The following CNTNAP5 variants were observed in gnomAD, a reference collection of about 807,000 sequenced individuals.
The protein encoded by CNTNAP5 is contactin associated protein family member 5.
Under a neutral mutation model 150.2 loss-of-function variants are expected in CNTNAP5, and 72 were observed. The observed-to-expected ratio is 0.48, with a 90% CI of 0.40 to 0.58. The LOEUF (loss-of-function observed/expected upper bound fraction) is 0.58, where lower values mean the gene tolerates loss of function less well. CNTNAP5 is among the 20% of genes least tolerant of loss of function. CNTNAP5 has a pLI of 0.00. For synonymous variants in CNTNAP5, 672 were observed against 619.8 expected (o/e 1.08, Z -1.25); for missense variants, 1,636 against 1,626.2 (o/e 1.01, Z -0.10).
chr2:124,431,115 C>T (rs1692368584), intron 4 of CNTNAP5, among the ~76,000 whole-genome samples: 1 of 152,142 alleles, frequency 6.6e-6, no homozygotes, highest in South Asian at 2.1e-4. Flanking sequence ...CTGTTAGACT[C>T]GTTCTACTGA....
chr2:124,661,737 C>T (rs899083999), intron 13 of CNTNAP5, among the ~76,000 whole-genome samples: 3 of 152,068 alleles, frequency 2.0e-5, no homozygotes, highest in Non-Finnish European at 4.4e-5. Context: ...GATTTGTTTA[C>T]ACCAGTATGT....
intron 1 of CNTNAP5, among the ~76,000 whole-genome samples, chr2:124,113,282 G>C (rs1225347797): frequency 6.6e-6 from 1 of 152,066 alleles, no homozygotes; most frequent in East Asian, 1.9e-4. Context: ...TAATTCTGAT[G>C]TGGGATAATT....
intron 10 of CNTNAP5, among the ~76,000 whole-genome samples, chr2:124,550,273 T>A (rs1184289994): frequency 1.3e-5 from 2 of 152,148 alleles, no homozygotes; most frequent in Non-Finnish European, 2.9e-5. Flanking sequence ...CTCTGAACCA[T>A]CTCTACAGAA....
intron 3 of CNTNAP5, among the ~76,000 whole-genome samples, chr2:124,274,253 C>T (rs2104616093): frequency 6.6e-6 from 1 of 152,272 alleles, no homozygotes; most frequent in African/African-American, 2.4e-5. Context: ...TACTGGACAG[C>T]CACCTCACTA....
chr2:124,130,784 C>T (rs1240807201), intron 1 of CNTNAP5, among the ~76,000 whole-genome samples: 4 of 152,128 alleles, frequency 2.6e-5, no homozygotes, highest in African/African-American at 4.8e-5. Context: ...CTAATCCTAA[C>T]CCTAAACTGT....
At chr2:124,561,277 G>A (rs1376966377) in intron 10 of CNTNAP5, among the ~76,000 whole-genome samples, 2 of 152,162 alleles carry the variant, frequency 1.3e-5, no homozygotes, top group Middle Eastern at 3.2e-3. Context: ...AGCGTGTGGG[G>A]ACAGGGGGCA....
At chr2:124,406,385 A>T (rs1156455168) in intron 3 of CNTNAP5, among the ~76,000 whole-genome samples, 1 of 152,178 alleles carries the variant, frequency 6.6e-6, no homozygotes, top group Non-Finnish European at 1.5e-5. Context: ...GTCCTCTTGT[A>T]TAATTCCATT....
intron 1 of CNTNAP5, among the ~76,000 whole-genome samples, chr2:124,090,039 C>T (rs1682779236): frequency 6.6e-6 from 1 of 152,142 alleles, no homozygotes; most frequent in African/African-American, 2.4e-5. Context: ...TTCCTGGCAC[C>T]AGAATTGACC....
intron 13 of CNTNAP5, among the ~76,000 whole-genome samples, chr2:124,663,089 C>T (rs1254048188): frequency 6.6e-6 from 1 of 152,090 alleles, no homozygotes; most frequent in Non-Finnish European, 1.5e-5. Context: ...TAGGTTATTA[C>T]CAAGGAACAA....
chr2:124,073,940 T>C (rs766432365), intron 1 of CNTNAP5, among the ~76,000 whole-genome samples: 3 of 152,144 alleles, frequency 2.0e-5, no homozygotes, highest in Non-Finnish European at 4.4e-5. Flanking sequence ...GCAACCTAAG[T>C]GTCTATCAAC....
intron 1 of CNTNAP5, among the ~76,000 whole-genome samples, chr2:124,161,932 A>C (rs1443103649): frequency 6.6e-6 from 1 of 152,206 alleles, no homozygotes; most frequent in Non-Finnish European, 1.5e-5. Context: ...AGACATATTT[A>C]ATCATATCAA....
At chr2:124,542,676 G>A (rs1210514073) in intron 10 of CNTNAP5, among the ~76,000 whole-genome samples, 4 of 152,084 alleles carry the variant, frequency 2.6e-5, no homozygotes, top group East Asian at 1.9e-4. Flanking sequence ...TTATTTGGGT[G>A]TCTCTGGCAC....
intron 22 of CNTNAP5, 73 bp from the exon 23 acceptor site, chr2:124,911,394 G>A (rs1417432232): frequency 9.2e-7 from 1 of 1,085,548 alleles, no homozygotes; most frequent in African/African-American, 1.6e-5. Flanking sequence ...GTCATTCCAG[G>A]TGGGCCACAC....
At chr2:124,543,594 A>G (rs955317595) in intron 10 of CNTNAP5, among the ~76,000 whole-genome samples, 3 of 152,188 alleles carry the variant, frequency 2.0e-5, no homozygotes, top group Non-Finnish European at 4.4e-5. Context: ...AAGTTATTGA[A>G]GAAGAAAGGT....
chr2:124,601,951 C>T (rs991957510), intron 11 of CNTNAP5, among the ~76,000 whole-genome samples: 5 of 152,154 alleles, frequency 3.3e-5, no homozygotes, highest in Admixed American at 2.6e-4. Flanking sequence ...TTTGGGGAGA[C>T]AACTGTAACC....
intron 1 of CNTNAP5, among the ~76,000 whole-genome samples, chr2:124,158,258 A>T (rs369870719): frequency 1.3e-5 from 2 of 152,160 alleles, no homozygotes; most frequent in Non-Finnish European, 2.9e-5. Flanking sequence ...TTGATGAGAT[A>T]ATGTACAATG....
At chr2:124,393,677 A>C (rs2104751028) in intron 3 of CNTNAP5, among the ~76,000 whole-genome samples, 1 of 152,288 alleles carries the variant, frequency 6.6e-6, no homozygotes, top group East Asian at 1.9e-4. Context: ...CCTGCACCCC[A>C]AAACCATGGG....
chr2:124,821,936 T>G (rs1682500607), intron 19 of CNTNAP5, among the ~76,000 whole-genome samples: 1 of 152,186 alleles, frequency 6.6e-6, no homozygotes, highest in South Asian at 2.1e-4. Flanking sequence ...CATGGTGAGG[T>G]CTTCAGGACT....
chr2:124,764,249 A>G (rs1681021799), intron 16 of CNTNAP5, 102 bp downstream of exon 16: 1 of 850,302 alleles, frequency 1.2e-6, no homozygotes, highest in Admixed American at 2.1e-5. Context: ...CAGCAAATTA[A>G]TCTCACTGGA....
Sources: gnomAD v4.1 joint callset for allele counts (sites outside exome capture counted in the v4.1 genomes callset) on GRCh38, gnomAD v4.1.1 for gene constraint, MANE v1.5 for transcripts, NCBI Gene and HGNC (gene_info 2026-07-23, HGNC 2026-07-21) for gene names.